CSNK1A1: variants seen among roughly 807,000 people sequenced by gnomAD.
CSNK1A1 encodes the protein casein kinase I isoform alpha.
Under a neutral mutation model 46.1 loss-of-function variants are expected in CSNK1A1, and 7 were observed. The observed-to-expected ratio is 0.15, with a 90% CI of 0.09 to 0.29. The LOEUF is 0.29. Ranked by LOEUF, CSNK1A1 falls within the 10% of genes least tolerant of loss-of-function variation. The pLI is 1.00. For missense variants in CSNK1A1, 96 were observed against 417.1 expected (o/e 0.23, Z 6.71); for synonymous variants, 137 against 141.5 (o/e 0.97, Z 0.23).
chr5:149,527,347 C>T (rs1336508074), intron 2 of CSNK1A1, among the ~76,000 whole-genome samples: 1 of 152,038 alleles, frequency 6.6e-6, no homozygotes, highest in African/African-American at 2.4e-5. Flanking sequence ...AGGCTGGTCT[C>T]GAATTCCTGA....
In CSNK1A1 at chr5:149,503,672, A is replaced by C. The variant is rs553058114; in HGVS notation, c.1006+1775T>G. On this transcript the variant is annotated intron_variant, in intron 9 of 9. Coordinates refer to ENST00000377843, the MANE Select transcript of CSNK1A1 (RefSeq NM_001892.6). ...TCTTTCCCCCGCCCCAATGAAACTA[A>C]CTCAGTGGATCCAACTTCTCATCTT... The C allele has an allele frequency of 6.1e-6, 6 of 985,456 alleles. No individual in the cohort carries two copies. In the African/African-American group the frequency reaches 1.0e-4, roughly 17 times the overall value. The allele number at this position is 985,456 out of a possible 1,614,324, so 61.0% of individuals were successfully genotyped here.
rs1761280610 is a variant in CSNK1A1 at position 149,513,056 on chromosome 5, A to C, written c.596+14T>G. 2.5e-6 allele frequency: 4 copies of C among 1,612,978 alleles called. No homozygotes were observed. The East Asian group carries it at 8.9e-5, about 36-fold the overall frequency. On this transcript the variant is annotated intron_variant, in intron 5 of 9. Transcript: ENST00000377843. Reference sequence around the variant, plus strand: ...GCTATGGCTATGATAAGCACATTCCATTTTCGAACTTACCTCTGCTCAATA... The same window carrying C: ...GCTATGGCTATGATAAGCACATTCCCTTTTCGAACTTACCTCTGCTCAATA...
chr5:149,541,048 C>G (rs1249922891), intron 2 of CSNK1A1, among the ~76,000 whole-genome samples: 1 of 151,924 alleles, frequency 6.6e-6, no homozygotes, highest in Non-Finnish European at 1.5e-5. Context: ...CCACTGCACT[C>G]TGGCCTGGGC....
chr5:149,503,159 C>T (rs1044492983), intron 9 of CSNK1A1: 1 of 985,284 alleles, frequency 1.0e-6, no homozygotes, highest in African/African-American at 1.7e-5. Context: ...GCAGGAATAA[C>T]ATAGAGCAAT....
rs141919022 is a variant in CSNK1A1 at position 149,539,555 on chromosome 5, A to C, written c.230+10520T>G. Among the ~76,000 whole-genome samples, 850 of 152,130 alleles carry C rather than the reference A, an allele frequency of 5.6e-3. 12 individuals carry two copies. The highest frequency in any genetic ancestry group is 0.019 in the African/African-American group (790 of 41,518). ...GGGGGTTGATGGGGGTGAGTAGCAA[A>C]GCAAAAATTATTGTTATTAATTATT... On this transcript the variant is annotated intron_variant, in intron 2 of 9. Transcript: ENST00000377843.
intron 3 of CSNK1A1, 118 bp from the exon 4 acceptor site, chr5:149,520,506 T>C (rs898071533): frequency 9.7e-6 from 6 of 615,806 alleles, no homozygotes; most frequent in African/African-American, 7.4e-5. Flanking sequence ...CTAAAGAAAA[T>C]GAAATGGAAA....
chr5:149,516,633 AAAATATGTGAATGGGT>A (rs1328343297), intron 4 of CSNK1A1, among the ~76,000 whole-genome samples: 2 of 152,208 alleles, frequency 1.3e-5, no homozygotes, highest in East Asian at 3.8e-4. Context: ...AAATGTAAGC[AAAATATGTGAATGGGT>A]AAGTAAAAAT....
In CSNK1A1 at chr5:149,550,464, G is replaced by A. The variant is rs927977491; in HGVS notation, c.124-283C>T. On this transcript the variant is annotated intron_variant, in intron 1 of 9. Coordinates refer to ENST00000377843, the MANE Select transcript of CSNK1A1 (RefSeq NM_001892.6). This position sits in a 1 kb window ranked among gnomAD's most constrained non-coding sequence, Gnocchi z 4.3. Reference sequence around the variant, plus strand: ...GTGAGAGGTTTTTAAGGAACTAGGCGATCGGAAACTGTTCTAATTGGAACA... The same window carrying A: ...GTGAGAGGTTTTTAAGGAACTAGGCAATCGGAAACTGTTCTAATTGGAACA... The A allele has an allele frequency of 4.5e-6, 2 of 448,120 alleles. No individual in the cohort carries two copies. Among genetic ancestry groups the A allele is most frequent in the Non-Finnish European group, 5.9e-6 (2 of 339,800 alleles). The allele number at this position is 448,120 out of a possible 1,614,324, so 27.8% of individuals were successfully genotyped here. A position where few individuals can be genotyped will look rare whatever the true frequency, so the allele number is the denominator to read the frequency against.
chr5:149,502,195 CATATA>C, intron 9 of CSNK1A1: 2 of 945,236 alleles, frequency 2.1e-6, no homozygotes, highest in Non-Finnish European at 2.5e-6. Context: ...CAAAAATTAC[CATATA>C]AAACATTAGT....
intron 2 of CSNK1A1, chr5:149,549,268 C>CCA: frequency 1.9e-6 from 1 of 526,496 alleles, no homozygotes; most frequent in South Asian, 2.7e-5. Context: ...ACTGCCTTTG[C>CCA]CACTACCTAT....
In CSNK1A1 at chr5:149,520,382, T is replaced by A; in HGVS notation, c.364A>T (p.Ser122Cys). 1 of 1,578,178 alleles carries A rather than the reference T, an allele frequency of 6.3e-7. No individual in the cohort carries two copies. Among genetic ancestry groups the A allele is most frequent in the Non-Finnish European group, 8.7e-7 (1 of 1,151,458 alleles). The change falls in exon 4 of 10, where the codon AGT becomes TGT. Residue 122 changes from serine (S) to cysteine (C), a missense_variant. Ser to Cys is a moderately radical substitution (Grantham distance 112). Transcript: ENST00000377843. ...TVLMLADQMISRIEYVHTKNF... is the reference protein window; with the variant it reads ...TVLMLADQMICRIEYVHTKNF... Reference sequence around the variant, plus strand: ...TTTGTATGCACATATTCAATTCTACTGATCATCTGGAAAAAAAAGAAGGGA... The same window carrying A: ...TTTGTATGCACATATTCAATTCTACAGATCATCTGGAAAAAAAAGAAGGGA...
chr5:149,537,860 G>A (rs77494276), intron 2 of CSNK1A1, among the ~76,000 whole-genome samples: 2,097 of 150,862 alleles, frequency 0.014, 52 homozygotes, highest in African/African-American at 0.049. Context: ...ACCCTCTTAA[G>A]TAAACATTTA....
chr5:149,537,972 C>A lies in CSNK1A1; in HGVS notation c.230+12103G>T, dbSNP rs139377043. ...TCACAGCAGATGCTCAAAAAGAATG[C>A]AAGCCTCACAAAATCATTGTCTGTT... On this transcript the variant is annotated intron_variant, in intron 2 of 9. Transcript: ENST00000377843. Among the ~76,000 whole-genome samples, 824 of 149,590 alleles carry A rather than the reference C, an allele frequency of 5.5e-3. 10 individuals carry two copies. Among genetic ancestry groups the A allele is most frequent in the African/African-American group, 0.019 (766 of 40,398 alleles).
In CSNK1A1 at chr5:149,496,753, C is replaced by T; in HGVS notation, c.*100G>A. 1 of 1,481,158 alleles carries T rather than the reference C, an allele frequency of 6.8e-7. No individual in the cohort carries two copies. Among genetic ancestry groups the T allele is most frequent in the Non-Finnish European group, 9.0e-7 (1 of 1,110,116 alleles). The allele number at this position is 1,481,158 out of a possible 1,614,324, so 91.8% of individuals were successfully genotyped here. A position where few individuals can be genotyped will look rare whatever the true frequency, so the allele number is the denominator to read the frequency against. On this transcript the variant is annotated 3_prime_UTR_variant, in exon 10 of 10. Transcript: ENST00000377843. ...ACACCAAGTAAATGGTTGTCCACAACCACTGGCTAGTGTACATATGAACTA... is the reference window on the plus strand; with the variant it reads ...ACACCAAGTAAATGGTTGTCCACAATCACTGGCTAGTGTACATATGAACTA...
chr5:149,507,707 GC>G lies in CSNK1A1; in HGVS notation c.751-575del, dbSNP rs1433469323. Among the ~76,000 whole-genome samples the G allele has an allele frequency of 2.6e-5, 4 of 152,124 alleles. No individual in the cohort carries two copies. The Middle Eastern group carries it at 0.01, about 388-fold the overall frequency. Reference sequence around the variant, plus strand: ...TCAAATTCCCGAGCTCAAGAGATCTGCCCCCCTTGGCCTCCTTGGTCTCCCA... The same window carrying G: ...TCAAATTCCCGAGCTCAAGAGATCTGCCCCCTTGGCCTCCTTGGTCTCCCA... On this transcript the variant is annotated intron_variant, in intron 7 of 9. Transcript: ENST00000377843.
rs1554114375 is a variant in CSNK1A1 at position 149,495,758 on chromosome 5, A to AAG, written c.*1094_*1095insCT. The AAG allele has an allele frequency of 6.6e-6, 1 of 152,046 alleles. No homozygotes were observed. The highest frequency in any genetic ancestry group is 1.5e-5 in the Non-Finnish European group (1 of 67,906). 9.4% of individuals were successfully genotyped at this position (152,046 alleles called of 1,614,324 possible). A position where few individuals can be genotyped will look rare whatever the true frequency, so the allele number is the denominator to read the frequency against. ...CCTGCAAGTCATAAAAAAAAAAAAA[A>AAG]AAAAAGAAAAAAATGAAAGAATGCC... On this transcript the variant is annotated 3_prime_UTR_variant, in exon 10 of 10. Transcript: ENST00000377843.
intron 6 of CSNK1A1, among the ~76,000 whole-genome samples, 156 bp from the exon 7 acceptor site, chr5:149,510,109 A>T (rs2077482): frequency 0.33 from 50,267 of 151,986 alleles, 9,221 homozygotes; most frequent in African/African-American, 0.5. Flanking sequence ...TCTAAAAAAA[A>T]TTTTTCCCAA....
chr5:149,507,609 G>A (rs945814612), intron 7 of CSNK1A1, among the ~76,000 whole-genome samples: 7 of 151,840 alleles, frequency 4.6e-5, no homozygotes, highest in South Asian at 4.2e-4. Context: ...CTACAGACAC[G>A]AGCTACCACG....
At chr5:149,515,549 T>C (rs541959973) in intron 4 of CSNK1A1, among the ~76,000 whole-genome samples, 9 of 152,078 alleles carry the variant, frequency 5.9e-5, no homozygotes, top group Non-Finnish European at 1.0e-4. Context: ...TTATAAAAAC[T>C]GAAAATACAT....
Sources: gnomAD v4.1 joint callset for allele counts (sites outside exome capture counted in the v4.1 genomes callset) on GRCh38, gnomAD v4.1.1 for gene constraint, Gnocchi (gnomAD v3.1) non-coding constraint, MANE v1.5 for transcripts, NCBI Gene and HGNC (gene_info 2026-07-23, HGNC 2026-07-21) for gene names.